SOX5: variants seen among roughly 807,000 people sequenced by gnomAD.
SOX5 encodes the protein SRY-box transcription factor 5, also known as transcription factor SOX-5.
A neutral mutation model predicts 92.0 loss-of-function variants in SOX5; 9 were observed. That is an observed-to-expected ratio of 0.10 (90% confidence interval 0.06 to 0.17). The LOEUF (loss-of-function observed/expected upper bound fraction) is 0.17. Ranked by LOEUF, SOX5 falls within the 10% of genes least tolerant of loss-of-function variation. The pLI is 1.00. For synonymous variants in SOX5, 344 were observed against 336.3 expected (o/e 1.02, Z -0.25); for missense variants, 642 against 944.5 (o/e 0.68, Z 4.20).
intron 4 of SOX5, among the ~76,000 whole-genome samples, chr12:24,146,293 T>C (rs571155407): frequency 1.1e-3 from 175 of 152,224 alleles, no homozygotes; most frequent in African/African-American, 4.1e-3. Flanking sequence ...GTTCCCTAAC[T>C]ATCATAAAAA....
chr12:24,149,050 T>C (rs1281185211), intron 4 of SOX5, among the ~76,000 whole-genome samples: 1 of 152,094 alleles, frequency 6.6e-6, no homozygotes, highest in African/African-American at 2.4e-5. Context: ...AAAACTTCGA[T>C]CTCCACTTTG....
intron 3 of SOX5, chr12:24,238,090 T>C (rs1964864686): frequency 6.6e-6 from 1 of 152,190 alleles, no homozygotes; most frequent in Non-Finnish European, 1.5e-5. Flanking sequence ...TTCTTACTTT[T>C]AGACTCCTTC....
intron 1 of SOX5, among the ~76,000 whole-genome samples, chr12:24,521,878 A>G (rs1437319913): frequency 6.6e-6 from 1 of 152,056 alleles, no homozygotes; most frequent in Non-Finnish European, 1.5e-5. Flanking sequence ...CAAATAAACA[A>G]TCTAATTGAT....
intron 2 of SOX5, among the ~76,000 whole-genome samples, chr12:23,862,766 T>C (rs1421783087): frequency 1.3e-5 from 2 of 152,208 alleles, no homozygotes; most frequent in Non-Finnish European, 2.9e-5. Flanking sequence ...CTTTTTACAC[T>C]GAATTTACGT....
chr12:23,633,310 A>G (rs1446085702), intron 8 of SOX5, among the ~76,000 whole-genome samples: 1 of 152,132 alleles, frequency 6.6e-6, no homozygotes, highest in Non-Finnish European at 1.5e-5. Flanking sequence ...GCAAATTATA[A>G]CGAAAATGAA....
chr12:24,145,628 C>A (rs1951005309), intron 4 of SOX5, among the ~76,000 whole-genome samples: 1 of 152,148 alleles, frequency 6.6e-6, no homozygotes, highest in Non-Finnish European at 1.5e-5. Flanking sequence ...TCCCAAGTAG[C>A]TGAGACTACA....
chr12:24,084,037 G>A (rs1943675459), intron 4 of SOX5, among the ~76,000 whole-genome samples: 1 of 152,028 alleles, frequency 6.6e-6, no homozygotes, highest in Non-Finnish European at 1.5e-5. Flanking sequence ...AAGAGGAAAG[G>A]AGGAAAGGCA....
intron 1 of SOX5, among the ~76,000 whole-genome samples, chr12:24,443,198 C>G (rs1596692136): frequency 6.6e-6 from 1 of 152,088 alleles, no homozygotes; most frequent in East Asian, 1.9e-4. Flanking sequence ...GCAATCTGCC[C>G]CACCTCGGCC....
intron 2 of SOX5, among the ~76,000 whole-genome samples, chr12:23,886,387 G>A (rs1426194453): frequency 6.6e-6 from 1 of 152,076 alleles, no homozygotes; most frequent in African/African-American, 2.4e-5. Context: ...AAGTACAATA[G>A]GTAGTTGAAT....
intron 4 of SOX5, among the ~76,000 whole-genome samples, chr12:24,132,224 G>A (rs944503688): frequency 2.6e-5 from 4 of 152,096 alleles, no homozygotes; most frequent in Non-Finnish European, 4.4e-5. Flanking sequence ...TGACCAAGTA[G>A]CTCTCAATTA....
intron 6 of SOX5, among the ~76,000 whole-genome samples, chr12:23,724,090 C>T (rs565675781): frequency 2.0e-5 from 3 of 152,252 alleles, no homozygotes; most frequent in African/African-American, 7.2e-5. Flanking sequence ...AAATAAATTA[C>T]TTTTAAAAAA....
At chr12:24,538,071 T>G in intron 1 of SOX5, among the ~76,000 whole-genome samples, 1 of 152,190 alleles carries the variant, frequency 6.6e-6, no homozygotes, top group African/African-American at 2.4e-5. Flanking sequence ...AGCAATATTC[T>G]CCAAAGCTAT....
chr12:23,582,804 C>T (rs1050736709), intron 9 of SOX5, among the ~76,000 whole-genome samples: 1 of 152,070 alleles, frequency 6.6e-6, no homozygotes, highest in Non-Finnish European at 1.5e-5. Context: ...AAAGTAGATG[C>T]TAGTAGTGTG....
In SOX5 at chr12:24,061,652, C is replaced by A. The variant is rs557056766; in HGVS notation, c.-2+151691G>T. ...TCTGAGAACTTTCTTCCATGTTACC[C>A]AAAAGTCTAAAGTCAGTAATTAAGT... is the stretch of plus-strand genomic sequence containing the variant. On this transcript the variant is annotated intron_variant, in intron 4 of 4. Transcript: ENST00000446891. Among the ~76,000 whole-genome samples the A allele has an allele frequency of 7.4e-5, 11 of 149,156 alleles. No homozygotes were observed. The East Asian group carries it at 2.2e-3, about 30-fold the overall frequency.
intron 1 of SOX5, among the ~76,000 whole-genome samples, chr12:24,511,818 C>T (rs1189807520): frequency 2.0e-5 from 3 of 151,914 alleles, no homozygotes; most frequent in South Asian, 2.1e-4. Flanking sequence ...ATTAGCCGGG[C>T]GTGGTGGCGG....
At chr12:24,046,720 C>A (rs1215002588) in intron 4 of SOX5, among the ~76,000 whole-genome samples, 1 of 130,020 alleles carries the variant, frequency 7.7e-6, no homozygotes, top group African/African-American at 2.8e-5. Context: ...GCTTTTGTTG[C>A]CCAGGCTGGA....
chr12:23,894,440 T>C (rs1404645344), intron 2 of SOX5, among the ~76,000 whole-genome samples: 1 of 152,024 alleles, frequency 6.6e-6, no homozygotes, highest in Non-Finnish European at 1.5e-5. Flanking sequence ...GTTGGCCAGC[T>C]AGTCTTGAAC....
At chr12:23,915,246 C>T (rs2097400430) in intron 1 of SOX5, among the ~76,000 whole-genome samples, 1 of 152,124 alleles carries the variant, frequency 6.6e-6, no homozygotes, top group Non-Finnish European at 1.5e-5. Context: ...ATTATTATTG[C>T]TGTTGTTCTT....
chr12:23,736,244 G>A (rs561045955), intron 5 of SOX5, among the ~76,000 whole-genome samples: 33 of 151,878 alleles, frequency 2.2e-4, no homozygotes, highest in Non-Finnish European at 3.2e-4. Context: ...GGTGGATCAC[G>A]AGGTCAGGAG....
Sources: gnomAD v4.1 joint callset for allele counts (sites outside exome capture counted in the v4.1 genomes callset) on GRCh38, gnomAD v4.1.1 for gene constraint, MANE v1.5 for transcripts, NCBI Gene and HGNC (gene_info 2026-07-23, HGNC 2026-07-21) for gene names.